Variants in APLF observed in about 807,000 individuals in gnomAD.
APLF encodes aprataxin and PNK-like factor.
APLF carries 61 observed loss-of-function variants against 55.6 expected under a neutral mutation model. The observed-to-expected ratio is 1.10, with a 90% CI of 0.89 to 1.36. The LOEUF is 1.36. Ranked by LOEUF, APLF falls within the 40% of genes most tolerant of loss-of-function variation. The pLI, the probability that APLF is intolerant of heterozygous loss-of-function variation, is 0.00. For missense variants in APLF, 611 were observed against 602.5 expected, an observed-to-expected ratio of 1.01 and a Z score of -0.15; for synonymous variants, 207 against 214.8, an observed-to-expected ratio of 0.96 and a Z score of 0.32.
At chr2:68,525,730 T>TTTTC (rs1283477738) in intron 5 of APLF, among the ~76,000 whole-genome samples, 15 of 146,220 alleles carry the variant, frequency 1.0e-4, no homozygotes, top group Admixed American at 1.4e-4. Context: ...ATCCTTTTTA[T>TTTTC]TTTCTTTCTT....
chr2:68,494,209 C>T (rs1676464046), intron 2 of APLF, among the ~76,000 whole-genome samples: 2 of 128,110 alleles, frequency 1.6e-5, no homozygotes, highest in African/African-American at 6.1e-5. Context: ...CCCAGGGGGA[C>T]AGAGATAGCA....
intron 1 of APLF, among the ~76,000 whole-genome samples, chr2:68,468,596 A>G (rs969059352): frequency 1.3e-5 from 2 of 152,318 alleles, no homozygotes; most frequent in South Asian, 2.1e-4. Context: ...AATATTCTCT[A>G]CCTTCTTTGG....
intron 6 of APLF, among the ~76,000 whole-genome samples, chr2:68,535,113 C>T (rs1314529208): frequency 1.3e-5 from 2 of 152,128 alleles, no homozygotes; most frequent in African/African-American, 4.8e-5. Context: ...ACATTCCTTT[C>T]TCTTTTAGAA....
rs577065447 is a variant in APLF, at chr2:68,529,386, C to T, written c.804+3144C>T. 162 of 1,283,298 alleles carry T rather than the reference C, an allele frequency of 1.3e-4. 1 individual carries two copies. In the South Asian group the frequency reaches 3.4e-3, roughly 27 times the overall value. 79.5% of individuals were successfully genotyped at this position (1,283,298 alleles called of 1,614,324 possible). On this transcript the variant is annotated intron_variant, in intron 6 of 9. Transcript: ENST00000303795. This position sits in a 1 kb window ranked among gnomAD's most constrained non-coding sequence, Gnocchi z 4.4. ...CGGCCAGCTGGGAAGGCCTCACGGA[C>T]AAGACGAGCAGGTTGCCGATGGCAT...
intron 8 of APLF, among the ~76,000 whole-genome samples, chr2:68,560,383 T>C (rs1413685130): frequency 6.6e-6 from 1 of 152,052 alleles, no homozygotes; most frequent in Non-Finnish European, 1.5e-5. Context: ...GTTTTATTTA[T>C]TTCTATTTAA....
chr2:68,467,790 C>T lies in APLF; in HGVS notation c.59C>T (p.Pro20Leu), dbSNP rs1675475174. 3 of 1,234,026 alleles carry T rather than the reference C, an allele frequency of 2.4e-6. No individual in the cohort carries two copies. Among genetic ancestry groups the T allele is most frequent in the South Asian group, 4.1e-5 (1 of 24,418 alleles). The allele number at this position is 1,234,026 out of a possible 1,614,324, so 76.4% of individuals were successfully genotyped here. The change falls in exon 1 of 10, where the codon CCC becomes CTC. Residue 20 changes from proline to leucine, a missense_variant. Coordinates refer to ENST00000303795, the MANE Select transcript of APLF (RefSeq NM_173545.3). Reference protein sequence around the residue: ...RDGGPRVALAPGETVIGRGPL... With the variant: ...RDGGPRVALALGETVIGRGPL... ...GGCGGTCCCCGGGTGGCCCTGGCGC[C>T]CGGGGAGACGGTGATCGGCCGCGGG...
intron 2 of APLF, among the ~76,000 whole-genome samples, chr2:68,502,340 T>C (rs1230400899): frequency 6.6e-6 from 1 of 152,130 alleles, no homozygotes; most frequent in Non-Finnish European, 1.5e-5. Flanking sequence ...GTCAGGAAAT[T>C]AGTGCATTTC....
At chr2:68,539,743 A>T (rs565044031) in intron 7 of APLF, among the ~76,000 whole-genome samples, 1 of 152,248 alleles carries the variant, frequency 6.6e-6, no homozygotes, top group African/African-American at 2.4e-5. Context: ...AATAGAAAAG[A>T]CTTCTTCAGT....
chr2:68,542,784 A>G (rs537992957), intron 7 of APLF, among the ~76,000 whole-genome samples: 1 of 152,310 alleles, frequency 6.6e-6, no homozygotes, highest in South Asian at 2.1e-4. Context: ...GAATTACCCT[A>G]TTATATAGAA....
At chr2:68,477,029 GGTA>G (rs1360240760) in intron 1 of APLF, among the ~76,000 whole-genome samples, 2 of 152,114 alleles carry the variant, frequency 1.3e-5, no homozygotes, top group African/African-American at 2.4e-5. Context: ...AATATATGTA[GGTA>G]GTAGTCTATT....
At chr2:68,542,376 A>G (rs1670578150) in intron 7 of APLF, among the ~76,000 whole-genome samples, 3 of 152,212 alleles carry the variant, frequency 2.0e-5, no homozygotes, top group Admixed American at 2.0e-4. Context: ...AACCTATGGA[A>G]TGGGATAAAA....
chr2:68,544,250 A>T (rs1670637807), intron 7 of APLF, among the ~76,000 whole-genome samples: 1 of 152,124 alleles, frequency 6.6e-6, no homozygotes, highest in African/African-American at 2.4e-5. Flanking sequence ...AAGTGCTAGG[A>T]TTACAGGTGT....
intron 2 of APLF, among the ~76,000 whole-genome samples, chr2:68,491,612 G>A (rs1676363371): frequency 6.6e-6 from 1 of 152,186 alleles, no homozygotes; most frequent in Admixed American, 6.5e-5. Context: ...GAGGGATCTT[G>A]AAATATAGAA....
intron 6 of APLF, among the ~76,000 whole-genome samples, chr2:68,530,311 G>A (rs1383582238): frequency 6.6e-6 from 1 of 152,186 alleles, no homozygotes; most frequent in Non-Finnish European, 1.5e-5. Context: ...CACCTCGAAG[G>A]AGGTCTTCAC....
intron 9 of APLF, 46 bp from the exon 10 acceptor site, chr2:68,577,774 G>C: frequency 3.8e-6 from 6 of 1,598,908 alleles, no homozygotes; most frequent in Non-Finnish European, 5.1e-6. Context: ...GTCATCCCAG[G>C]TTGAGTGGTG....
intron 1 of APLF, among the ~76,000 whole-genome samples, chr2:68,481,839 T>C (rs990841573): frequency 1.3e-5 from 2 of 152,092 alleles, no homozygotes; most frequent in Admixed American, 1.3e-4. Context: ...AGAAGACTTG[T>C]CTTTAAGTTC....
rs1558540252 is a variant in APLF at position 68,519,068 on chromosome 2, A to AATAATATATAATATATTATTAATAT, written c.622+5394_622+5395insTATAATATATTATTAATATATAATA. Among the ~76,000 whole-genome samples, 576 of 117,094 alleles carry AATAATATATAATATATTATTAATAT rather than the reference A, an allele frequency of 4.9e-3. 3 individuals are homozygous for AATAATATATAATATATTATTAATAT. The highest frequency in any genetic ancestry group is 0.013 in the Middle Eastern group (2 of 160). The allele number at this position is 117,094 out of a possible 152,430, so 76.8% of individuals were successfully genotyped here. ...ATAATATAATATATAATTAATATAT[A>AATAATATATAATATATTATTAATAT]ATAATAATATAATATATAATTAATA... On this transcript the variant is annotated intron_variant, in intron 5 of 9. Coordinates refer to ENST00000303795, the MANE Select transcript of APLF (RefSeq NM_173545.3).
intron 1 of APLF, among the ~76,000 whole-genome samples, chr2:68,468,876 C>G (rs1047536720): frequency 6.6e-6 from 1 of 152,052 alleles, no homozygotes; most frequent in Non-Finnish European, 1.5e-5. Flanking sequence ...TACTGTTGTC[C>G]TGGTTAACTT....
Position 68,579,326 on chromosome 2 carries a change from C to G in APLF, c.*1304C>G. On this transcript the variant is annotated 3_prime_UTR_variant, in exon 10 of 10. Transcript: ENST00000303795. ...TATTGTTATTTGGGAACTATTTTTCCCCTTATAATGTCCCTTTAGCCTTGG... is the reference window on the plus strand; with the variant it reads ...TATTGTTATTTGGGAACTATTTTTCGCCTTATAATGTCCCTTTAGCCTTGG... The G allele has an allele frequency of 1.1e-6, 1 of 930,460 alleles. No homozygotes were observed. Among genetic ancestry groups the G allele is most frequent in the Non-Finnish European group, 1.3e-6 (1 of 780,220 alleles). The allele number at this position is 930,460 out of a possible 1,614,324, so 57.6% of individuals were successfully genotyped here.
Sources: allele counts gnomAD v4.1 joint callset (sites outside exome capture counted in the v4.1 genomes callset), GRCh38; gene constraint gnomAD v4.1.1; non-coding constraint Gnocchi (gnomAD v3.1); transcripts MANE v1.5; gene names NCBI Gene and HGNC (gene_info 2026-07-23, HGNC 2026-07-21).